The following PTPN11 variants were observed in gnomAD, a reference collection of about 807,000 sequenced individuals.
PTPN11 encodes protein tyrosine phosphatase non-receptor type 11.
In PTPN11, 6 loss-of-function variants were observed where a neutral mutation model predicts 78.8. That is an observed-to-expected ratio of 0.08 (90% CI 0.04 to 0.15). The LOEUF is 0.15. Among genes scored for constraint, PTPN11 ranks in the 10% least tolerant of loss-of-function variants. The pLI, the probability that PTPN11 is intolerant of heterozygous loss-of-function variation, is 1.00. For synonymous variants in PTPN11, 221 were observed against 263.5 expected (o/e 0.84, Z 1.56); for missense variants, 386 against 744.8 (o/e 0.52, Z 5.61).
At chr12:112,476,071 C>T (rs930168840) in intron 7 of PTPN11, among the ~76,000 whole-genome samples, 4 of 152,128 alleles carry the variant, frequency 2.6e-5, no homozygotes, top group Non-Finnish European at 4.4e-5. Flanking sequence ...TCCCAAAGTG[C>T]CAGGATTACA....
At chr12:112,457,522 G>A in intron 6 of PTPN11, 1 of 156,386 alleles carries the variant, frequency 6.4e-6, no homozygotes, top group South Asian at 1.8e-4. Context: ...TAATCCTTTG[G>A]GTATATACCC....
rs374896287 is a variant in PTPN11 at position 112,502,194 on chromosome 12, G to A, written c.1650G>A (p.Ala550=). The A allele has an allele frequency of 2.9e-5, 46 of 1,613,744 alleles. No individual in the cohort carries two copies. In the Admixed American group the frequency reaches 5.8e-4, roughly 20 times the overall value. The change falls in exon 14 of 16, where the codon GCG becomes GCA. Residue 550 remains alanine (A), a synonymous_variant. Transcript: ENST00000351677. ...HEYTNIKYSL[A]DQTSGDQSPL... ...ATACAAATATTAAGTATTCTCTAGC[G>A]GACCAGACGAGTGGAGATCAGAGCC...
At chr12:112,446,033 C>T (rs957346773) in intron 1 of PTPN11, among the ~76,000 whole-genome samples, 3 of 152,068 alleles carry the variant, frequency 2.0e-5, no homozygotes, top group Non-Finnish European at 2.9e-5. Context: ...GTCTTAATAC[C>T]CTAGCCCCCA....
chr12:112,491,934 T>A lies in PTPN11; in HGVS notation c.1599+2759T>A, dbSNP rs1020658080. On this transcript the variant is annotated intron_variant, in intron 13 of 15. Transcript: ENST00000351677. ...GTTGCCCCGGCTGGCCTTGAACTCCTGGGCTCAAGTGACCCTCCCGCCTTG... is the reference window on the plus strand; with the variant it reads ...GTTGCCCCGGCTGGCCTTGAACTCCAGGGCTCAAGTGACCCTCCCGCCTTG... 3.3e-5 allele frequency among the ~76,000 whole-genome samples: 5 copies of A among 152,228 alleles called. No individual in the cohort carries two copies. In the South Asian group the frequency reaches 8.3e-4, roughly 25 times the overall value.
chr12:112,464,968 A>G (rs540978591), intron 6 of PTPN11, among the ~76,000 whole-genome samples: 3 of 152,306 alleles, frequency 2.0e-5, no homozygotes, highest in African/African-American at 4.8e-5. Context: ...GATGGATAAT[A>G]TTTTTAGATT....
At chr12:112,490,691 C>T (rs1480051291) in intron 13 of PTPN11, among the ~76,000 whole-genome samples, 3 of 152,172 alleles carry the variant, frequency 2.0e-5, no homozygotes, top group African/African-American at 7.2e-5. Context: ...AAACAACCCT[C>T]CCACTTTGGG....
In PTPN11 at chr12:112,477,428, C is replaced by T. The variant is rs73209632; in HGVS notation, c.854-223C>T. The stretch of plus-strand genomic sequence containing the variant: ...ATACCCAATGATAACATCCTATATA[C>T]CCATAGTATATGATCAAAACTAGGA... On this transcript the variant is annotated intron_variant, in intron 7 of 15. Transcript: ENST00000351677. Among the ~76,000 whole-genome samples, 3,760 of 152,262 alleles carry T rather than the reference C, an allele frequency of 0.025. 68 individuals are homozygous for T. The highest frequency in any genetic ancestry group is 0.039 in the Non-Finnish European group (2,671 of 68,016).
intron 1 of PTPN11, among the ~76,000 whole-genome samples, chr12:112,430,676 C>T (rs2037699484): frequency 6.6e-6 from 1 of 151,870 alleles, no homozygotes; most frequent in Non-Finnish European, 1.5e-5. Context: ...GACCTCGCTT[C>T]AGCCTTTAGA....
intron 1 of PTPN11, among the ~76,000 whole-genome samples, chr12:112,426,717 G>T (rs1354061654): frequency 1.3e-5 from 2 of 152,100 alleles, no homozygotes; most frequent in Admixed American, 1.3e-4. Context: ...TTCCCCAAGT[G>T]CTGGTTTGTG....
chr12:112,430,311 T>A (rs1034064879), intron 1 of PTPN11, among the ~76,000 whole-genome samples: 42 of 152,344 alleles, frequency 2.8e-4, no homozygotes, highest in African/African-American at 1.0e-3. Context: ...CATATATTGC[T>A]TTTTTCTTAT....
chr12:112,465,234 C>G (rs2038308016), intron 6 of PTPN11, among the ~76,000 whole-genome samples: 1 of 151,980 alleles, frequency 6.6e-6, no homozygotes, highest in Non-Finnish European at 1.5e-5. Flanking sequence ...GAGTTCAAGA[C>G]CAGCCTGGCC....
chr12:112,463,744 G>GGTCA (rs2038284807), intron 6 of PTPN11, among the ~76,000 whole-genome samples: 1 of 152,162 alleles, frequency 6.6e-6, no homozygotes, highest in African/African-American at 2.4e-5. Flanking sequence ...TCTCCACAGA[G>GGTCA]GTCAGACTGA....
At chr12:112,493,011 G>A (rs1271334075) in intron 13 of PTPN11, among the ~76,000 whole-genome samples, 1 of 151,672 alleles carries the variant, frequency 6.6e-6, no homozygotes, top group African/African-American at 2.4e-5. Flanking sequence ...TGTATACTTT[G>A]TGAAATGATT....
At position 112,496,526 on chromosome 12, in the gene PTPN11, T is replaced by C. The variant is rs187444579; in HGVS notation, c.1600-5618T>C. On this transcript the variant is annotated intron_variant, in intron 13 of 15. Coordinates refer to ENST00000351677, the MANE Select transcript of PTPN11 (RefSeq NM_002834.5). ...ATGGATTCATATATATCTATAATTGTTTTCTGTATCTGGCCATCTATATAT... is the reference window on the plus strand; with the variant it reads ...ATGGATTCATATATATCTATAATTGCTTTCTGTATCTGGCCATCTATATAT... Among the ~76,000 whole-genome samples, 19 of 152,308 alleles carry C rather than the reference T, an allele frequency of 1.2e-4. No homozygotes were observed. In the East Asian group the frequency reaches 2.7e-3, roughly 22 times the overall value.
At chr12:112,440,740 A>G (rs763040204) in intron 1 of PTPN11, among the ~76,000 whole-genome samples, 7 of 148,152 alleles carry the variant, frequency 4.7e-5, no homozygotes, top group Non-Finnish European at 8.9e-5. Context: ...TGCCTGGCTA[A>G]TTTTTGTATT....
chr12:112,487,292 G>A (rs2038692921), intron 11 of PTPN11, among the ~76,000 whole-genome samples: 2 of 151,864 alleles, frequency 1.3e-5, no homozygotes, highest in South Asian at 2.1e-4. Context: ...CTGACACTAC[G>A]CCCGGCTAAT....
At chr12:112,434,236 C>T (rs557537745) in intron 1 of PTPN11, among the ~76,000 whole-genome samples, 1 of 152,164 alleles carries the variant, frequency 6.6e-6, no homozygotes, top group East Asian at 1.9e-4. Flanking sequence ...GCCATGATCA[C>T]ACCTCTGCAC....
chr12:112,495,212 T>C (rs958548174), intron 13 of PTPN11, among the ~76,000 whole-genome samples: 1 of 152,224 alleles, frequency 6.6e-6, no homozygotes, highest in African/African-American at 2.4e-5. Context: ...TTAACTAAAC[T>C]AGAGTTTAAT....
chr12:112,442,978 CAT>C (rs1317878085), intron 1 of PTPN11, among the ~76,000 whole-genome samples: 1 of 146,486 alleles, frequency 6.8e-6, no homozygotes, highest in Non-Finnish European at 1.5e-5. Flanking sequence ...TACATGTGTA[CAT>C]ATATGTGTCT....
Sources: gnomAD v4.1 joint callset for allele counts (sites outside exome capture counted in the v4.1 genomes callset) on GRCh38, gnomAD v4.1.1 for gene constraint, MANE v1.5 for transcripts, NCBI Gene and HGNC (gene_info 2026-07-23, HGNC 2026-07-21) for gene names.